RIOX1: variants seen among roughly 807,000 people sequenced by gnomAD.
RIOX1 encodes the protein ribosomal oxygenase 1.
A neutral mutation model predicts 44.6 loss-of-function variants in RIOX1; 33 were observed. That is an observed-to-expected ratio of 0.74 (90% CI 0.56 to 0.99). The LOEUF (loss-of-function observed/expected upper bound fraction) is 0.99. Among genes scored for constraint, RIOX1 ranks in the 50% least tolerant of loss-of-function variants. The pLI is 0.00. For missense variants in RIOX1, 821 were observed against 871.7 expected (o/e 0.94, Z 0.73); for synonymous variants, 387 against 395.8 (o/e 0.98, Z 0.26).
In RIOX1 at chr14:73,491,856, G is replaced by T. The variant is rs757370164; in HGVS notation, c.839G>T (p.Arg280Leu). 1 of 1,609,966 alleles carries T rather than the reference G, an allele frequency of 6.2e-7. No individual in the cohort carries two copies. Among genetic ancestry groups the T allele is most frequent in the South Asian group, 1.1e-5 (1 of 90,714 alleles). ...GRRETLNPPG[R>L]ALPAAAWSLY... ...CGCGAGACCCTGAACCCACCCGGCCGCGCGCTGCCCGCCGCCGCGTGGTCC... is the reference window on the plus strand; with the variant it reads ...CGCGAGACCCTGAACCCACCCGGCCTCGCGCTGCCCGCCGCCGCGTGGTCC... The change falls in exon 1 of 1, where the codon CGC becomes CTC. Residue 280 changes from arginine (R) to leucine (L), a missense_variant. Around this residue, in one of 2 missense-constraint regions of RIOX1, gnomAD observed 554 missense variants for 531.2 expected, o/e 1.04. Transcript: ENST00000304061.
chr14:73,492,661 C>T lies in RIOX1; in HGVS notation c.1644C>T (p.Val548=). 6.2e-7 allele frequency: 1 copy of T among 1,613,964 alleles called. No homozygotes were observed. The highest frequency in any genetic ancestry group is 1.7e-5 in the Admixed American group (1 of 60,010). The part of the protein sequence containing the change: ...VGAQLTTETE[V]HMLQDGIARL... ...CCCAGTTGACAACAGAAACAGAAGTCCATATGCTTCAGGATGGGATAGCTC... is the reference window on the plus strand; with the variant it reads ...CCCAGTTGACAACAGAAACAGAAGTTCATATGCTTCAGGATGGGATAGCTC... The change falls in exon 1 of 1, where the codon GTC becomes GTT. Residue 548 remains valine (V), a synonymous_variant. Coordinates refer to ENST00000304061, the MANE Select transcript of RIOX1 (RefSeq NM_024644.5). This position sits in a 1 kb window ranked among gnomAD's most constrained non-coding sequence, Gnocchi z 4.9.
Position 73,491,240 on chromosome 14 carries a change from C to G in RIOX1, c.223C>G (p.Leu75Val), listed in dbSNP as rs1566819391. The change falls in exon 1 of 1, where the codon CTG becomes GTG. Residue 75 changes from leucine (L) to valine (V), a missense_variant. By Grantham distance (32) the Leu-to-Val change is conservative. This residue lies in a region of RIOX1 where 554 missense variants were observed against 531.2 expected (regional missense o/e 1.04). Transcript: ENST00000304061. Reference sequence around the variant, plus strand: ...GAGGGTGGAGTCGACGGCCGACGACCTGGGGGACGCGCTACCCGGTGGGGC... The same window carrying G: ...GAGGGTGGAGTCGACGGCCGACGACGTGGGGGACGCGCTACCCGGTGGGGC... The part of the protein sequence containing the change: ...ESRVESTADD[L>V]GDALPGGAAV... 4 of 1,589,300 alleles carry G rather than the reference C, an allele frequency of 2.5e-6. No homozygotes were observed. Among genetic ancestry groups the G allele is most frequent in the South Asian group, 2.3e-5 (2 of 87,950 alleles).
At position 73,492,780 on chromosome 14, in the gene RIOX1, A is replaced by AC; in HGVS notation, c.1768dup (p.Gln590ProfsTer4). On this transcript the variant is annotated frameshift_variant, in exon 1 of 1. Coordinates refer to ENST00000304061, the MANE Select transcript of RIOX1 (RefSeq NM_024644.5). LOFTEE classifies it high-confidence loss of function. The surrounding 1 kb of genome is among the most constrained non-coding windows in gnomAD (Gnocchi z 4.9). ...GAAGAACCCAAGTGCTTGGAAATAT[A>AC]CCCCCAGCAAGCTGATGCCATGGAA... 1.2e-6 allele frequency: 2 copies of AC among 1,613,796 alleles called. No individual in the cohort carries two copies. Among genetic ancestry groups the AC allele is most frequent in the Non-Finnish European group, 1.7e-6 (2 of 1,179,852 alleles).
Position 73,491,105 on chromosome 14 carries a change from C to T in RIOX1, c.88C>T (p.Leu30=), listed in dbSNP as rs2140247860. Residue 30 remains leucine (L), a synonymous_variant, in exon 1 of 1, where the codon CTG becomes TTG. Transcript: ENST00000304061. ...GCCCCAGCCACACAGCGGGTCGGTC[C>T]TGGCCCTGCCCTTGAGGTCCAGGAA... ...RKPQPHSGSV[L]ALPLRSRKIR... The T allele has an allele frequency of 6.2e-7, 1 of 1,606,214 alleles. No individual in the cohort carries two copies. Among genetic ancestry groups the T allele is most frequent in the South Asian group, 1.1e-5 (1 of 89,334 alleles).
chr14:73,493,387 A>C lies in RIOX1; in HGVS notation c.*444A>C. ...CTTAGAAAAGTTATTAAAGTGCCAA[A>C]GAATGTTTCCCTTTCCTAAGGCTAG... On this transcript the variant is annotated 3_prime_UTR_variant, in exon 1 of 1. Coordinates refer to ENST00000304061, the MANE Select transcript of RIOX1 (RefSeq NM_024644.5). 4.9e-6 allele frequency: 2 copies of C among 409,474 alleles called. No homozygotes were observed. The highest frequency in any genetic ancestry group is 4.5e-6 in the Non-Finnish European group (1 of 220,966). 25.4% of individuals were successfully genotyped at this position (409,474 alleles called of 1,614,324 possible). A position where few individuals can be genotyped will look rare whatever the true frequency, so the allele number is the denominator to read the frequency against.
In RIOX1 at chr14:73,491,677, G is replaced by T; in HGVS notation, c.660G>T (p.Arg220=). ...CCATGCCGCCAGATCACTTTTACCGGCGCCTATGGGAGCGCGAGGCGGTGC... is the reference window on the plus strand; with the variant it reads ...CCATGCCGCCAGATCACTTTTACCGTCGCCTATGGGAGCGCGAGGCGGTGC... ...IAPMPPDHFY[R]RLWEREAVLV... is the part of the protein sequence containing the mutation. The change falls in exon 1 of 1, where the codon CGG becomes CGT. Residue 220 remains arginine, a synonymous_variant. Transcript: ENST00000304061. 6.5e-7 allele frequency: 1 copy of T among 1,549,874 alleles called. No individual in the cohort carries two copies. Among genetic ancestry groups the T allele is most frequent in the Non-Finnish European group, 8.7e-7 (1 of 1,146,852 alleles).
rs1265773939 is a variant in RIOX1 at position 73,492,183 on chromosome 14, C to G, written c.1166C>G (p.Thr389Ser). The G allele has an allele frequency of 6.2e-7, 1 of 1,613,994 alleles. No individual in the cohort carries two copies. The highest frequency in any genetic ancestry group is 1.1e-5 in the South Asian group (1 of 91,082). ...QDDLGEPVLQ[T>S]VLEPGDLLYF... Reference sequence around the variant, plus strand: ...GACCTCGGTGAGCCGGTGCTGCAGACCGTGCTGGAACCTGGAGATTTGCTG... The same window carrying G: ...GACCTCGGTGAGCCGGTGCTGCAGAGCGTGCTGGAACCTGGAGATTTGCTG... The change falls in exon 1 of 1, where the codon ACC becomes AGC. Residue 389 changes from threonine (T) to serine (S), a missense_variant. Thr to Ser is a moderately conservative substitution (Grantham distance 58, BLOSUM62 1). Transcript: ENST00000304061. The surrounding 1 kb of genome is among the most constrained non-coding windows in gnomAD (Gnocchi z 4.9).
Position 73,490,991 on chromosome 14 carries a change from G to A in RIOX1, c.-27G>A, listed in dbSNP as rs1419583594. ...CTTTAGCTTCGCCCCCGGCCGGCCG[G>A]GCGGGGAAGACTGGTGTGGTCTGGC... On this transcript the variant is annotated 5_prime_UTR_variant, in exon 1 of 1. Transcript: ENST00000304061. The A allele has an allele frequency of 2.2e-6, 3 of 1,345,772 alleles. No homozygotes were observed. The highest frequency in any genetic ancestry group is 2.9e-6 in the Non-Finnish European group (3 of 1,041,504). 83.4% of individuals were successfully genotyped at this position (1,345,772 alleles called of 1,614,324 possible). A position where few individuals can be genotyped will look rare whatever the true frequency, so the allele number is the denominator to read the frequency against.
At position 73,491,413 on chromosome 14, in the gene RIOX1, G is replaced by A. The variant is rs1437623222; in HGVS notation, c.396G>A (p.Leu132=). ...LVPASAPPAR[L]VEVPAAPVRV... Reference sequence around the variant, plus strand: ...CCGCTTCCGCGCCGCCCGCGCGCCTGGTGGAGGTGCCCGCCGCGCCGGTCC... The same window carrying A: ...CCGCTTCCGCGCCGCCCGCGCGCCTAGTGGAGGTGCCCGCCGCGCCGGTCC... The change falls in exon 1 of 1, where the codon CTG becomes CTA. Residue 132 remains leucine, a synonymous_variant. Transcript: ENST00000304061. 10 of 1,349,088 alleles carry A rather than the reference G, an allele frequency of 7.4e-6. No individual in the cohort carries two copies. The highest frequency in any genetic ancestry group is 1.9e-5 in the South Asian group (1 of 51,726). 83.6% of individuals were successfully genotyped at this position (1,349,088 alleles called of 1,614,324 possible). A position where few individuals can be genotyped will look rare whatever the true frequency, so the allele number is the denominator to read the frequency against.
Position 73,491,306 on chromosome 14 carries a change from T to G in RIOX1, c.289T>G (p.Tyr97Asp). The G allele has an allele frequency of 6.5e-7, 1 of 1,528,500 alleles. No individual in the cohort carries two copies. Among genetic ancestry groups the G allele is most frequent in the Non-Finnish European group, 8.8e-7 (1 of 1,139,370 alleles). 94.7% of individuals were successfully genotyped at this position (1,528,500 alleles called of 1,614,324 possible). The change falls in exon 1 of 1, where the codon TAC becomes GAC. Residue 97 changes from tyrosine to aspartate, a missense_variant. By Grantham distance (160) the Tyr-to-Asp change is radical. This residue lies in a region of RIOX1 where 554 missense variants were observed against 531.2 expected (regional missense o/e 1.04). Coordinates refer to ENST00000304061, the MANE Select transcript of RIOX1 (RefSeq NM_024644.5). ...AVPDAARREP[Y>D]GHLGPAELLE... is the part of the protein sequence containing the mutation. The stretch of plus-strand genomic sequence containing the variant: ...CCCGGACGCAGCCCGGCGAGAGCCA[T>G]ACGGCCACCTGGGGCCCGCAGAGCT...
rs1219053722 is a variant in RIOX1, at chr14:73,492,375, GTCT to G, written c.1359_1361del (p.Leu454del). 1 of 1,613,800 alleles carries G rather than the reference GTCT, an allele frequency of 6.2e-7. No homozygotes were observed. Among genetic ancestry groups the G allele is most frequent in the African/African-American group, 1.3e-5 (1 of 74,914 alleles). On this transcript the variant is annotated inframe_deletion, in exon 1 of 1. Transcript: ENST00000304061. The surrounding 1 kb of genome is among the most constrained non-coding windows in gnomAD (Gnocchi z 4.9). ...GAAGAAAATGTGGAGTTTCGGAGGG[GTCT>G]GCCCCGAGACTTCATGGATTACATG... is the stretch of plus-strand genomic sequence containing the variant.
chr14:73,492,985 G>A lies in RIOX1; in HGVS notation c.*42G>A, dbSNP rs866506079. On this transcript the variant is annotated 3_prime_UTR_variant, in exon 1 of 1. Transcript: ENST00000304061. The surrounding 1 kb of genome is among the most constrained non-coding windows in gnomAD (Gnocchi z 4.9). The stretch of plus-strand genomic sequence containing the variant: ...GGAAACAAGGCAGTAGTGATTCTCC[G>A]CTGCCACTGCTACCTTTTTTTTTTT... 2.5e-6 allele frequency: 4 copies of A among 1,586,160 alleles called. No homozygotes were observed. The highest frequency in any genetic ancestry group is 2.8e-5 in the African/African-American group (2 of 70,558).
In RIOX1 at chr14:73,493,226, T is replaced by G. The variant is rs1027430670; in HGVS notation, c.*283T>G. On this transcript the variant is annotated 3_prime_UTR_variant, in exon 1 of 1. Coordinates refer to ENST00000304061, the MANE Select transcript of RIOX1 (RefSeq NM_024644.5). ...TCATCACCTTCAGGCTTCAGTGTAC[T>G]GGGTAACACTGACCATGTCGTTCTG... 1 of 885,308 alleles carries G rather than the reference T, an allele frequency of 1.1e-6. No individual in the cohort carries two copies. The highest frequency in any genetic ancestry group is 2.2e-5 in the Admixed American group (1 of 46,450). 54.8% of individuals were successfully genotyped at this position (885,308 alleles called of 1,614,324 possible).
At position 73,491,014 on chromosome 14, in the gene RIOX1, G is replaced by A. The variant is rs1216154354; in HGVS notation, c.-4G>A. ...CGGGCGGGGAAGACTGGTGTGGTCTGGCCATGGATGGGCTCCAGGCCAGTG... is the reference window on the plus strand; with the variant it reads ...CGGGCGGGGAAGACTGGTGTGGTCTAGCCATGGATGGGCTCCAGGCCAGTG... On this transcript the variant is annotated 5_prime_UTR_variant, in exon 1 of 1. Coordinates refer to ENST00000304061, the MANE Select transcript of RIOX1 (RefSeq NM_024644.5). 3 of 1,488,512 alleles carry A rather than the reference G, an allele frequency of 2.0e-6. No homozygotes were observed. In the South Asian group the frequency reaches 4.0e-5, roughly 20 times the overall value. 92.2% of individuals were successfully genotyped at this position (1,488,512 alleles called of 1,614,324 possible). A position where few individuals can be genotyped will look rare whatever the true frequency, so the allele number is the denominator to read the frequency against.
At position 73,492,032 on chromosome 14, in the gene RIOX1, C is replaced by T; in HGVS notation, c.1015C>T (p.Pro339Ser). The T allele has an allele frequency of 6.2e-7, 1 of 1,614,000 alleles. No individual in the cohort carries two copies. Among genetic ancestry groups the T allele is most frequent in the South Asian group, 1.1e-5 (1 of 91,084 alleles). The change falls in exon 1 of 1, where the codon CCC becomes TCC. Residue 339 changes from proline (P) to serine (S), a missense_variant. By Grantham distance (74) the Pro-to-Ser change is moderately conservative. This residue lies in a region of RIOX1 where 554 missense variants were observed against 531.2 expected (regional missense o/e 1.04). Coordinates refer to ENST00000304061, the MANE Select transcript of RIOX1 (RefSeq NM_024644.5). The surrounding 1 kb of genome is among the most constrained non-coding windows in gnomAD (Gnocchi z 4.9). The stretch of plus-strand genomic sequence containing the variant: ...GCCCCCTAACTCGCAGGGCTTTGCC[C>T]CCCACTACGACGACATCGAGGCCTT... ...LTPPNSQGFA[P>S]HYDDIEAFVL...
In RIOX1 at chr14:73,492,597, C is replaced by T. The variant is rs1885848774; in HGVS notation, c.1580C>T (p.Pro527Leu). The T allele has an allele frequency of 6.2e-7, 1 of 1,613,730 alleles. No homozygotes were observed. Among genetic ancestry groups the T allele is most frequent in the Non-Finnish European group, 8.5e-7 (1 of 1,179,876 alleles). Residue 527 changes from proline to leucine, a missense_variant, in exon 1 of 1, where the codon CCA (proline) becomes CTA (leucine). Pro to Leu is a moderately conservative substitution (Grantham distance 98). This residue lies in a region of RIOX1 where 267 missense variants were observed against 340.5 expected (regional missense o/e 0.78). Transcript: ENST00000304061. This position sits in a 1 kb window ranked among gnomAD's most constrained non-coding sequence, Gnocchi z 4.9. ...RERALSVYGL[P>L]IRWEAGEPVN... ...AGGGCACTAAGTGTTTACGGGCTTCCAATTCGCTGGGAGGCTGGAGAACCT... is the reference window on the plus strand; with the variant it reads ...AGGGCACTAAGTGTTTACGGGCTTCTAATTCGCTGGGAGGCTGGAGAACCT...
chr14:73,491,411 C>T lies in RIOX1; in HGVS notation c.394C>T (p.Leu132=). 3.7e-6 allele frequency: 5 copies of T among 1,346,160 alleles called. No individual in the cohort carries two copies. Among genetic ancestry groups the T allele is most frequent in the Non-Finnish European group, 4.7e-6 (5 of 1,057,652 alleles). 83.4% of individuals were successfully genotyped at this position (1,346,160 alleles called of 1,614,324 possible). ...LVPASAPPAR[L]VEVPAAPVRV... ...GCCCGCTTCCGCGCCGCCCGCGCGC[C>T]TGGTGGAGGTGCCCGCCGCGCCGGT... is the stretch of plus-strand genomic sequence containing the variant. Residue 132 remains leucine (L), a synonymous_variant, in exon 1 of 1, where the codon CTG becomes TTG. Coordinates refer to ENST00000304061, the MANE Select transcript of RIOX1 (RefSeq NM_024644.5).
At position 73,491,799 on chromosome 14, in the gene RIOX1, A is replaced by T; in HGVS notation, c.782A>T (p.His261Leu). 6.3e-7 allele frequency: 1 copy of T among 1,595,294 alleles called. No homozygotes were observed. Among genetic ancestry groups the T allele is most frequent in the Non-Finnish European group, 8.5e-7 (1 of 1,171,772 alleles). ...LRNEEVQFGQ[H>L]LDAARYINGR... ...AACGAGGAGGTGCAGTTCGGCCAGC[A>T]TTTGGACGCCGCTCGCTACATCAAC... Residue 261 changes from histidine to leucine, a missense_variant, in exon 1 of 1, where the codon CAT (histidine) becomes CTT (leucine). Physicochemically the swap from His to Leu is moderately conservative, Grantham distance 99 (BLOSUM62 -3). Coordinates refer to ENST00000304061, the MANE Select transcript of RIOX1 (RefSeq NM_024644.5).
At position 73,491,245 on chromosome 14, in the gene RIOX1, G is replaced by C; in HGVS notation, c.228G>C (p.Gly76=). 6.3e-7 allele frequency: 1 copy of C among 1,586,386 alleles called. No individual in the cohort carries two copies. Among genetic ancestry groups the C allele is most frequent in the Non-Finnish European group, 8.6e-7 (1 of 1,164,894 alleles). The change falls in exon 1 of 1, where the codon GGG becomes GGC. Residue 76 remains glycine, a synonymous_variant. Coordinates refer to ENST00000304061, the MANE Select transcript of RIOX1 (RefSeq NM_024644.5). ...SRVESTADDL[G]DALPGGAAVA... ...TGGAGTCGACGGCCGACGACCTGGG[G>C]GACGCGCTACCCGGTGGGGCGGCGG...
Sources: allele counts gnomAD v4.1 joint callset, GRCh38; gene constraint gnomAD v4.1.1; regional missense constraint gnomAD v4.1.1; non-coding constraint Gnocchi (gnomAD v3.1); transcripts MANE v1.5; gene names NCBI Gene and HGNC (gene_info 2026-07-23, HGNC 2026-07-21).